Variants in BRD4 observed in about 807,000 individuals in gnomAD.
The protein encoded by BRD4 is bromodomain-containing protein 4.
In BRD4, 16 loss-of-function variants were observed where a neutral mutation model predicts 142.1. The observed-to-expected ratio is 0.11, with a 90% CI of 0.08 to 0.17. The LOEUF is 0.17. Among genes scored for constraint, BRD4 ranks in the 10% least tolerant of loss-of-function variants. The pLI, the probability that BRD4 is intolerant of heterozygous loss-of-function variation, is 1.00. For synonymous variants in BRD4, 833 were observed against 707.5 expected, an observed-to-expected ratio of 1.18 and a Z score of -2.82; for missense variants, 1,424 against 1,810.9, an observed-to-expected ratio of 0.79 and a Z score of 3.88.
chr19:15,264,170 T>C, intron 6 of BRD4: 1 of 504,824 alleles, frequency 2.0e-6, no homozygotes, highest in Non-Finnish European at 3.4e-6. Context: ...TTCCTCAGAC[T>C]AGGGGAAGGG....
At chr19:15,332,099 C>T (rs1472978181) in intron 1 of BRD4, among the ~76,000 whole-genome samples, 191 bp downstream of exon 1, 4 of 146,420 alleles carry the variant, frequency 2.7e-5, no homozygotes, top group Non-Finnish European at 6.1e-5. Flanking sequence ...CGCCCCGGCC[C>T]GGAACGAACG....
intron 7 of BRD4, among the ~76,000 whole-genome samples, chr19:15,262,370 C>T (rs549166314): frequency 1.3e-5 from 2 of 152,068 alleles, no homozygotes; most frequent in East Asian, 1.9e-4. Flanking sequence ...GGAGAAGATG[C>T]TGGGAATTTT....
rs772517257 is a variant in BRD4, at chr19:15,273,005, T to C, written c.95A>G (p.Gln32Arg). The C allele has an allele frequency of 2.2e-5, 36 of 1,614,038 alleles. No individual in the cohort carries two copies. The highest frequency in any genetic ancestry group is 5.0e-5 in the Admixed American group (3 of 59,992). The part of the protein sequence containing the change: ...ETSQMSTTQA[Q>R]AQPQPANAAS... Reference sequence around the variant, plus strand: ...TGCGTTGGCTGGCTGGGGTTGGGCCTGGGCCTGTGTTGTAGACATTTGGGA... The same window carrying C: ...TGCGTTGGCTGGCTGGGGTTGGGCCCGGGCCTGTGTTGTAGACATTTGGGA... Residue 32 changes from glutamine (Q) to arginine (R), a missense_variant, in exon 2 of 20, where the codon CAG becomes CGG. Gln to Arg is a conservative substitution (Grantham distance 43). This residue lies in a region of BRD4 where 70 missense variants were observed against 69.8 expected (regional missense o/e 1.00). Transcript: ENST00000679869.
At chr19:15,244,064 G>A (rs946206260) in intron 13 of BRD4, among the ~76,000 whole-genome samples, 167 bp downstream of exon 13, 2 of 152,230 alleles carry the variant, frequency 1.3e-5, no homozygotes, top group Non-Finnish European at 2.9e-5. Flanking sequence ...CCTGTCTTGA[G>A]GCATCTCCTT....
intron 11 of BRD4, chr19:15,247,772 G>C (rs984263436): frequency 4.3e-6 from 1 of 232,954 alleles, no homozygotes; most frequent in East Asian, 6.0e-5. Context: ...GCAGGCCAAA[G>C]GGCAGCTGAG....
intron 1 of BRD4, among the ~76,000 whole-genome samples, chr19:15,317,837 G>A (rs2048029723): frequency 1.3e-5 from 2 of 152,244 alleles, no homozygotes; most frequent in Admixed American, 1.3e-4. Flanking sequence ...GCATTCCTGG[G>A]ATTACAGATA....
intron 11 of BRD4, chr19:15,248,690 A>T (rs1443036775): frequency 4.4e-6 from 1 of 226,886 alleles, no homozygotes; most frequent in Non-Finnish European, 8.7e-6. Context: ...CACCAGTGAG[A>T]AGCATGCTGT....
chr19:15,258,598 TTTCTTTC>T (rs1343975589), intron 7 of BRD4, among the ~76,000 whole-genome samples: 1 of 152,040 alleles, frequency 6.6e-6, no homozygotes, highest in Non-Finnish European at 1.5e-5. Flanking sequence ...AACTTTTTTC[TTTCTTTC>T]TTCTTCTTCT....
At chr19:15,257,236 T>C in intron 7 of BRD4, 63 bp from the exon 8 acceptor site, 1 of 1,453,028 alleles carries the variant, frequency 6.9e-7, no homozygotes, top group Non-Finnish European at 9.3e-7. Flanking sequence ...TAGCATCACC[T>C]GCCCTCATTG....
At chr19:15,251,713 A>G (rs1418872099) in intron 11 of BRD4, among the ~76,000 whole-genome samples, 1 of 152,104 alleles carries the variant, frequency 6.6e-6, no homozygotes, top group African/African-American at 2.4e-5. Context: ...GTGGGTTCCC[A>G]TTTCGGGATC....
chr19:15,329,949 G>A (rs921704182), intron 1 of BRD4, among the ~76,000 whole-genome samples: 1 of 152,192 alleles, frequency 6.6e-6, no homozygotes, highest in African/African-American at 2.4e-5. Flanking sequence ...CAATAATTTA[G>A]TGGAAATGTT....
At chr19:15,264,363 C>T (rs2145598459) in intron 6 of BRD4, 41 bp downstream of exon 6, 1 of 1,554,968 alleles carries the variant, frequency 6.4e-7, no homozygotes, top group Non-Finnish European at 8.7e-7. Flanking sequence ...GGAGGGACAG[C>T]CTGCCCACCT....
At chr19:15,252,940 G>A (rs564860473) in intron 11 of BRD4, 7 of 184,292 alleles carry the variant, frequency 3.8e-5, no homozygotes, top group East Asian at 2.7e-4. Flanking sequence ...CCCAGCTGCC[G>A]TGAAGGGTCC....
chr19:15,282,878 C>A (rs1022480311), intron 1 of BRD4, among the ~76,000 whole-genome samples: 1 of 152,180 alleles, frequency 6.6e-6, no homozygotes, highest in African/African-American at 2.4e-5. Context: ...CAGGTGGGAG[C>A]ATTGCTTGAG....
intron 1 of BRD4, among the ~76,000 whole-genome samples, chr19:15,279,503 C>T (rs1212411967): frequency 6.6e-6 from 1 of 152,176 alleles, no homozygotes; most frequent in Non-Finnish European, 1.5e-5. Context: ...TCCTATCCTT[C>T]AAAGGGGCTT....
At chr19:15,301,572 A>C (rs12976634) in intron 1 of BRD4, among the ~76,000 whole-genome samples, 23,723 of 146,128 alleles carry the variant, frequency 0.16, 2,004 homozygotes, top group Middle Eastern at 0.24. Context: ...CAAAACAAAA[A>C]AAAAAAAGGC....
At chr19:15,244,805 G>A in intron 11 of BRD4, 43 bp from the exon 12 acceptor site, 3 of 1,613,670 alleles carry the variant, frequency 1.9e-6, no homozygotes, top group Non-Finnish European at 2.5e-6. Flanking sequence ...GGGGGAGAAG[G>A]TGAGTGAGCT....
intron 1 of BRD4, among the ~76,000 whole-genome samples, chr19:15,274,826 A>C (rs1440081783): frequency 2.0e-5 from 3 of 150,902 alleles, no homozygotes; most frequent in Non-Finnish European, 4.4e-5. Context: ...TCACCTTCTC[A>C]CCAGGCCTAG....
At chr19:15,313,622 G>A (rs1361985280) in intron 1 of BRD4, among the ~76,000 whole-genome samples, 1 of 150,006 alleles carries the variant, frequency 6.7e-6, no homozygotes, top group Non-Finnish European at 1.5e-5. Flanking sequence ...GTTGCAGTGA[G>A]CCGAGATTGC....
Sources: allele counts gnomAD v4.1 joint callset (sites outside exome capture counted in the v4.1 genomes callset), GRCh38; gene constraint gnomAD v4.1.1; regional missense constraint gnomAD v4.1.1; transcripts MANE v1.5; gene names NCBI Gene and HGNC (gene_info 2026-07-23, HGNC 2026-07-21).